ENOX1: variants seen among roughly 807,000 people sequenced by gnomAD.
ENOX1 encodes ecto-NOX disulfide-thiol exchanger 1.
ENOX1 carries 42 observed loss-of-function variants against 82.5 expected under a neutral mutation model. That is an observed-to-expected ratio of 0.51 (90% confidence interval 0.40 to 0.66). ENOX1 has a LOEUF of 0.66. ENOX1 is among the 30% of genes least tolerant of loss of function. The pLI is 0.00. For synonymous variants in ENOX1, 271 were observed against 282.2 expected (o/e 0.96, Z 0.40); for missense variants, 608 against 811.6 (o/e 0.75, Z 3.05).
chr13:43,386,560 A>G (rs2052421453), intron 5 of ENOX1, among the ~76,000 whole-genome samples: 1 of 152,216 alleles, frequency 6.6e-6, no homozygotes, highest in African/African-American at 2.4e-5. Flanking sequence ...CTGTAAGTGA[A>G]GAGAGTCAAT....
At chr13:43,762,990 T>TA (rs1323997106) in intron 1 of ENOX1, among the ~76,000 whole-genome samples, 5 of 152,252 alleles carry the variant, frequency 3.3e-5, no homozygotes, top group Admixed American at 2.6e-4. Context: ...CTCTCTTTAT[T>TA]AATGGTATAT....
intron 9 of ENOX1, among the ~76,000 whole-genome samples, chr13:43,338,676 G>GTTTTTTTTT (rs71099830): frequency 2.5e-5 from 2 of 81,264 alleles, no homozygotes; most frequent in African/African-American, 5.4e-5. Flanking sequence ...TTCAGGTTGG[G>GTTTTTTTTT]TTTTTTTTTT....
chr13:43,444,231 C>T (rs2056507885), intron 3 of ENOX1, among the ~76,000 whole-genome samples: 1 of 152,196 alleles, frequency 6.6e-6, no homozygotes, highest in African/African-American at 2.4e-5. Flanking sequence ...AAAACACAGT[C>T]TGCCAGGCCT....
At chr13:43,688,111 C>T (rs956737904) in intron 1 of ENOX1, among the ~76,000 whole-genome samples, 1 of 152,040 alleles carries the variant, frequency 6.6e-6, no homozygotes, top group African/African-American at 2.4e-5. Context: ...GGATTTTAAC[C>T]AAGGTAGTGA....
chr13:43,621,980 T>C (rs1371251439), intron 2 of ENOX1, among the ~76,000 whole-genome samples: 1 of 152,152 alleles, frequency 6.6e-6, no homozygotes, highest in African/African-American at 2.4e-5. Flanking sequence ...CTTTGTTGGA[T>C]TGGGTTAATT....
intron 16 of ENOX1, among the ~76,000 whole-genome samples, chr13:43,214,716 C>T (rs1300921781): frequency 6.6e-6 from 1 of 152,116 alleles, no homozygotes; most frequent in Non-Finnish European, 1.5e-5. Context: ...CTTTTTTCTT[C>T]TCCATATTTT....
chr13:43,606,831 A>C (rs1009318576), intron 2 of ENOX1, among the ~76,000 whole-genome samples: 2 of 152,130 alleles, frequency 1.3e-5, no homozygotes, highest in African/African-American at 4.8e-5. Context: ...CCTGGGCCAC[A>C]TGGGAAAACC....
At chr13:43,647,109 A>G (rs34595450) in intron 2 of ENOX1, among the ~76,000 whole-genome samples, 37,169 of 152,066 alleles carry the variant, frequency 0.24, 5,047 homozygotes, top group Non-Finnish European at 0.32. Flanking sequence ...TGTAAGGGGC[A>G]GGGAAGTGCA....
intron 2 of ENOX1, among the ~76,000 whole-genome samples, chr13:43,654,949 ACT>A (rs1474388553): frequency 1.3e-5 from 2 of 151,910 alleles, no homozygotes; most frequent in Admixed American, 6.6e-5. Flanking sequence ...CACTCCAACC[ACT>A]CTGTTTCTTT....
chr13:43,242,991 C>T (rs2042910774), intron 14 of ENOX1, among the ~76,000 whole-genome samples: 1 of 152,040 alleles, frequency 6.6e-6, no homozygotes, highest in Admixed American at 6.6e-5. Context: ...CAAAAATTAG[C>T]CGAGCGTGGT....
chr13:43,496,918 A>T (rs897361226), intron 2 of ENOX1, among the ~76,000 whole-genome samples: 2 of 152,152 alleles, frequency 1.3e-5, no homozygotes, highest in Non-Finnish European at 2.9e-5. Context: ...ATAAGTCCTT[A>T]TAATTCTGTA....
intron 2 of ENOX1, among the ~76,000 whole-genome samples, chr13:43,636,491 G>A (rs1368582549): frequency 6.6e-6 from 1 of 152,006 alleles, no homozygotes; most frequent in East Asian, 1.9e-4. Flanking sequence ...TAGTCTCCCT[G>A]GCCTCCCTGG....
intron 2 of ENOX1, among the ~76,000 whole-genome samples, chr13:43,557,220 T>C (rs1169977644): frequency 4.6e-5 from 7 of 152,278 alleles, no homozygotes; most frequent in Admixed American, 1.3e-4. Context: ...TCCAAGACCA[T>C]TTGGGGAGTC....
At chr13:43,321,068 A>G in intron 11 of ENOX1, 1 of 456,296 alleles carries the variant, frequency 2.2e-6, no homozygotes, top group Non-Finnish European at 4.4e-6. Flanking sequence ...TTCAGAAAAT[A>G]GTGGCATGGT....
At chr13:43,602,520 T>C (rs1222430779) in intron 2 of ENOX1, among the ~76,000 whole-genome samples, 1 of 152,108 alleles carries the variant, frequency 6.6e-6, no homozygotes, top group Non-Finnish European at 1.5e-5. Context: ...CTGGCCAACA[T>C]TTTTATTTTT....
At chr13:43,630,235 T>C (rs1469182615) in intron 2 of ENOX1, among the ~76,000 whole-genome samples, 1 of 152,194 alleles carries the variant, frequency 6.6e-6, no homozygotes, top group Admixed American at 6.6e-5. Context: ...AAATAAGCCA[T>C]TGCATGTGTA....
At chr13:43,636,410 C>T (rs1420311884) in intron 2 of ENOX1, among the ~76,000 whole-genome samples, 1 of 152,102 alleles carries the variant, frequency 6.6e-6, no homozygotes, top group African/African-American at 2.4e-5. Flanking sequence ...TGCCCAGGTT[C>T]CAGTGTAACT....
chr13:43,707,897 A>G (rs2087421847), intron 1 of ENOX1, among the ~76,000 whole-genome samples: 1 of 152,200 alleles, frequency 6.6e-6, no homozygotes, highest in Non-Finnish European at 1.5e-5. Context: ...GTGGACATAT[A>G]TTGTTAGACT....
intron 2 of ENOX1, among the ~76,000 whole-genome samples, chr13:43,558,163 G>A (rs1468197995): frequency 6.6e-6 from 1 of 152,184 alleles, no homozygotes; most frequent in African/African-American, 2.4e-5. Context: ...GCTGATTCTG[G>A]TACCACTGGG....
Sources: allele counts gnomAD v4.1 joint callset (sites outside exome capture counted in the v4.1 genomes callset), GRCh38; gene constraint gnomAD v4.1.1; transcripts MANE v1.5; gene names NCBI Gene and HGNC (gene_info 2026-07-23, HGNC 2026-07-21).